PTPRT: variants seen among roughly 807,000 people sequenced by gnomAD.
PTPRT encodes receptor-type tyrosine-protein phosphatase T.
In PTPRT, 56 loss-of-function variants were observed where a neutral mutation model predicts 176.8. That is an observed-to-expected ratio of 0.32 (90% CI 0.26 to 0.40). The LOEUF (loss-of-function observed/expected upper bound fraction) is 0.40, where lower values mean the gene tolerates loss of function less well. Among genes scored for constraint, PTPRT ranks in the 10% least tolerant of loss-of-function variants. The pLI, the probability that PTPRT is intolerant of heterozygous loss-of-function variation, is 1.00. For missense variants in PTPRT, 1,540 were observed against 1,908.2 expected, an observed-to-expected ratio of 0.81 and a Z score of 3.60; for synonymous variants, 783 against 739.0, an observed-to-expected ratio of 1.06 and a Z score of -0.96.
intron 13 of PTPRT, among the ~76,000 whole-genome samples, chr20:42,263,579 C>T (rs1600746430): frequency 6.6e-6 from 1 of 151,568 alleles, no homozygotes; most frequent in African/African-American, 2.4e-5. Flanking sequence ...CGGGGTTTCA[C>T]CATGTTGGTC....
chr20:42,568,914 T>C (rs1229377736), intron 7 of PTPRT, among the ~76,000 whole-genome samples: 1 of 150,996 alleles, frequency 6.6e-6, no homozygotes, highest in Non-Finnish European at 1.5e-5. Context: ...CCAGGAGTGA[T>C]AGCAGATGTC....
the PTPRT span, among the ~76,000 whole-genome samples, chr20:42,062,146 G>C: frequency 6.6e-6 from 1 of 152,072 alleles, no homozygotes; most frequent in African/African-American, 2.4e-5. Context: ...ATTCCACTTC[G>C]GCAGGCCTTA....
intron 9 of PTPRT, among the ~76,000 whole-genome samples, chr20:42,407,261 T>C (rs1296962380): frequency 6.6e-6 from 1 of 152,190 alleles, no homozygotes; most frequent in East Asian, 1.9e-4. Flanking sequence ...GGGAAGAGTC[T>C]GTAAGAGTTA....
At chr20:42,930,829 T>C (rs1204556491) in intron 1 of PTPRT, among the ~76,000 whole-genome samples, 2 of 152,144 alleles carry the variant, frequency 1.3e-5, no homozygotes, top group African/African-American at 4.8e-5. Flanking sequence ...AAACAAAACT[T>C]TATACCATAG....
At position 43,155,731 on chromosome 20, in the gene PTPRT, CT is replaced by C. The variant is rs1600755604; in HGVS notation, c.88+33914del. Among the ~76,000 whole-genome samples the C allele has an allele frequency of 2.6e-5, 4 of 152,242 alleles. No homozygotes were observed. In the East Asian group the frequency reaches 7.7e-4, roughly 29 times the overall value. ...GTGAAGTAATGCATTTGTTAATTAGCTAGATTTAACCATTCTGCAATGTCTA... is the reference window on the plus strand; with the variant it reads ...GTGAAGTAATGCATTTGTTAATTAGCAGATTTAACCATTCTGCAATGTCTA... On this transcript the variant is annotated intron_variant, in intron 1 of 30. Transcript: ENST00000373187.
Position 42,228,442 on chromosome 20 carries a change from A to G in PTPRT, c.2342+7787T>C, listed in dbSNP as rs180926612. On this transcript the variant is annotated intron_variant, in intron 15 of 30. Transcript: ENST00000373187. ...TCAGTTGCAATCCCTATCCAAATCT[A>G]TCAGTACACATGGTCTAGCCCAGTG... is the stretch of plus-strand genomic sequence containing the variant. Among the ~76,000 whole-genome samples, 5 of 152,378 alleles carry G rather than the reference A, an allele frequency of 3.3e-5. No homozygotes were observed. The East Asian group carries it at 5.8e-4, about 18-fold the overall frequency.
In PTPRT at chr20:42,624,493, G is replaced by A. The variant is rs76264875; in HGVS notation, c.1153+53373C>T. Among the ~76,000 whole-genome samples, 338 of 152,240 alleles carry A rather than the reference G, an allele frequency of 2.2e-3. 5 individuals are homozygous for A. Among genetic ancestry groups the A allele is most frequent in the East Asian group, 0.014 (70 of 5,170 alleles). ...GCTCAAACTATTGAAAAAAATTAAC[G>A]ATTTTTAAAAGTAAAAGGCTAGACC... On this transcript the variant is annotated intron_variant, in intron 7 of 30. Coordinates refer to ENST00000373187, the MANE Select transcript of PTPRT (RefSeq NM_007050.6).
In PTPRT at chr20:42,885,449, C is replaced by G. The variant is rs6016913; in HGVS notation, c.214+358G>C. On this transcript the variant is annotated intron_variant, in intron 2 of 30. Transcript: ENST00000373187. ...TTGAAGTTTCCCTAAATATATACAACCTATGTCCATGTGGCCTGGAAGAAA... is the reference window on the plus strand; with the variant it reads ...TTGAAGTTTCCCTAAATATATACAAGCTATGTCCATGTGGCCTGGAAGAAA... Among the ~76,000 whole-genome samples, 1,082 of 151,372 alleles carry G rather than the reference C, an allele frequency of 7.1e-3. 16 individuals are homozygous for G. The highest frequency in any genetic ancestry group is 0.025 in the African/African-American group (1,046 of 41,234).
intron 2 of PTPRT, among the ~76,000 whole-genome samples, chr20:42,848,533 G>A (rs2078415332): frequency 6.6e-6 from 1 of 152,112 alleles, no homozygotes; most frequent in Non-Finnish European, 1.5e-5. Context: ...GGAGTAAAGT[G>A]GTAACACACT....
At chr20:42,819,933 C>A (rs557445881) in intron 2 of PTPRT, among the ~76,000 whole-genome samples, 16 of 152,186 alleles carry the variant, frequency 1.1e-4, no homozygotes, top group South Asian at 1.0e-3. Flanking sequence ...TCTTAGAGAC[C>A]TACAAAGAGA....
intron 7 of PTPRT, among the ~76,000 whole-genome samples, chr20:42,668,858 A>ATTTTT (rs755121515): frequency 0.025 from 1,997 of 81,172 alleles, 47 homozygotes; most frequent in Middle Eastern, 0.065. Context: ...CGCCCAGCTA[A>ATTTTT]TTTTTTTTTT....
intron 13 of PTPRT, among the ~76,000 whole-genome samples, chr20:42,257,636 T>A (rs1201932641): frequency 1.5e-4 from 1 of 6,660 alleles, no homozygotes; most frequent in African/African-American, 8.1e-4. Context: ...GTGTAGCACC[T>A]CCCCCCACCC....
chr20:42,085,953 T>C (rs1460295385), intron 27 of PTPRT, 100 bp from the exon 28 acceptor site: 5 of 498,050 alleles, frequency 1.0e-5, no homozygotes, highest in Non-Finnish European at 1.4e-5. Flanking sequence ...TTTCTTTTTC[T>C]TTTTTTTTTT....
At chr20:42,378,337 T>A (rs2058669258) in intron 9 of PTPRT, among the ~76,000 whole-genome samples, 1 of 152,244 alleles carries the variant, frequency 6.6e-6, no homozygotes. Context: ...CACACCTCTC[T>A]TCTTGGCTTC....
chr20:42,333,439 C>G (rs145906243), intron 11 of PTPRT, among the ~76,000 whole-genome samples: 1,939 of 151,932 alleles, frequency 0.013, 23 homozygotes, highest in Non-Finnish European at 0.018. Flanking sequence ...TCAAGCAATT[C>G]TCCTGCCTCA....
chr20:43,009,714 C>T (rs1002387153), intron 1 of PTPRT, among the ~76,000 whole-genome samples: 1 of 152,186 alleles, frequency 6.6e-6, no homozygotes, highest in Non-Finnish European at 1.5e-5. Context: ...GTTGCACCAT[C>T]TTTACCCCAG....
chr20:43,067,180 T>C (rs2011119854), intron 1 of PTPRT, among the ~76,000 whole-genome samples: 1 of 151,592 alleles, frequency 6.6e-6, no homozygotes, highest in Non-Finnish European at 1.5e-5. Flanking sequence ...ACAGTATGGA[T>C]GAGCCTTGAA....
chr20:42,522,515 C>G (rs2072194087), intron 7 of PTPRT, among the ~76,000 whole-genome samples: 1 of 152,088 alleles, frequency 6.6e-6, no homozygotes, highest in African/African-American at 2.4e-5. Flanking sequence ...GGCTGGAGAG[C>G]AGTGGTGCGA....
chr20:42,391,521 G>A lies in PTPRT; in HGVS notation c.1561-39236C>T, dbSNP rs560621013. On this transcript the variant is annotated intron_variant, in intron 9 of 30. Transcript: ENST00000373187. ...AAAGGTTCCAGGGCACCTCAGGCCT[G>A]GACGACTCCCATCACAGAGGCAACC... Among the ~76,000 whole-genome samples the A allele has an allele frequency of 2.6e-5, 4 of 152,260 alleles. 1 individual carries two copies. Among genetic ancestry groups the A allele is most frequent in the South Asian group, 4.1e-4 (2 of 4,824 alleles).
Sources: gnomAD v4.1 joint callset for allele counts (sites outside exome capture counted in the v4.1 genomes callset) on GRCh38, gnomAD v4.1.1 for gene constraint, MANE v1.5 for transcripts, NCBI Gene and HGNC (gene_info 2026-07-23, HGNC 2026-07-21) for gene names.